Variants in CDH12 observed in about 807,000 individuals in gnomAD.
CDH12 encodes cadherin-12.
CDH12 carries 41 observed loss-of-function variants against 74.1 expected under a neutral mutation model. The ratio of observed to expected loss-of-function variants is 0.55; its 90% CI spans 0.43 to 0.72. CDH12 has a LOEUF of 0.72. CDH12 is among the 30% of genes least tolerant of loss of function. The pLI, the probability that CDH12 is intolerant of heterozygous loss-of-function variation, is 0.00. For synonymous variants in CDH12, 399 were observed against 355.0 expected (o/e 1.12, Z -1.39); for missense variants, 945 against 977.2 (o/e 0.97, Z 0.44).
At chr5:22,097,751 C>T (rs1222418811) in intron 4 of CDH12, among the ~76,000 whole-genome samples, 1 of 152,070 alleles carries the variant, frequency 6.6e-6, no homozygotes, top group Non-Finnish European at 1.5e-5. Context: ...CACCTCTACT[C>T]CCTCCTTAGC....
chr5:22,116,259 T>C (rs1745092153), intron 4 of CDH12, among the ~76,000 whole-genome samples: 1 of 152,116 alleles, frequency 6.6e-6, no homozygotes, highest in South Asian at 2.1e-4. Flanking sequence ...CAGGCCATTG[T>C]TGGCTTGCAG....
intron 1 of CDH12, among the ~76,000 whole-genome samples, chr5:22,594,183 A>C (rs1037318273): frequency 3.9e-5 from 6 of 152,162 alleles, no homozygotes; most frequent in Admixed American, 1.3e-4. Flanking sequence ...GTAGAGCCCT[A>C]AATTTTGAGC....
chr5:22,543,234 C>A (rs549343410), intron 1 of CDH12, among the ~76,000 whole-genome samples: 21 of 152,062 alleles, frequency 1.4e-4, no homozygotes, highest in African/African-American at 5.1e-4. Context: ...ACTTGTAAAT[C>A]AAGAACAACT....
At chr5:22,743,470 G>A (rs1430327406) in intron 1 of CDH12, among the ~76,000 whole-genome samples, 2 of 151,788 alleles carry the variant, frequency 1.3e-5, no homozygotes, top group Admixed American at 1.3e-4. Flanking sequence ...ATGGTCAAAT[G>A]TGTTTATCTT....
chr5:22,742,494 A>C (rs1745077976), intron 1 of CDH12, among the ~76,000 whole-genome samples: 1 of 152,072 alleles, frequency 6.6e-6, no homozygotes. Context: ...ACCTTCAAAA[A>C]ATAGTAGACG....
chr5:22,646,240 C>T (rs1397019413), intron 1 of CDH12, among the ~76,000 whole-genome samples: 1 of 151,768 alleles, frequency 6.6e-6, no homozygotes, highest in Non-Finnish European at 1.5e-5. Flanking sequence ...AGGACCCCTC[C>T]TTCTTGACTT....
At chr5:22,527,191 C>T (rs1737323742) in intron 1 of CDH12, among the ~76,000 whole-genome samples, 1 of 152,088 alleles carries the variant, frequency 6.6e-6, no homozygotes, top group Non-Finnish European at 1.5e-5. Context: ...AAAAGAAAGA[C>T]TAGTAGTATA....
intron 3 of CDH12, among the ~76,000 whole-genome samples, chr5:22,261,788 C>CAAA (rs34114097): frequency 0.014 from 2,039 of 144,464 alleles, 50 homozygotes; most frequent in African/African-American, 0.049. Context: ...GAAAGAAAGC[C>CAAA]AAAAAAAAAA....
At chr5:21,900,061 A>G (rs955231963) in intron 6 of CDH12, among the ~76,000 whole-genome samples, 30 of 152,192 alleles carry the variant, frequency 2.0e-4, no homozygotes, top group Admixed American at 1.7e-3. Flanking sequence ...AGGTACTTAC[A>G]GACCATTTTA....
intron 1 of CDH12, among the ~76,000 whole-genome samples, chr5:22,576,747 T>C (rs1739808001): frequency 6.6e-6 from 1 of 151,970 alleles, no homozygotes; most frequent in Non-Finnish European, 1.5e-5. Context: ...AGAAAGTAGT[T>C]CAGTGGGGAG....
intron 10 of CDH12, among the ~76,000 whole-genome samples, chr5:21,797,835 G>C (rs933124251): frequency 2.6e-5 from 4 of 151,848 alleles, no homozygotes; most frequent in African/African-American, 9.7e-5. Flanking sequence ...GATTTTTCTA[G>C]TTCTTAAGTA....
intron 1 of CDH12, among the ~76,000 whole-genome samples, chr5:22,750,182 G>T (rs190025489): frequency 2.2e-4 from 34 of 152,262 alleles, no homozygotes; most frequent in Non-Finnish European, 4.3e-4. Flanking sequence ...TCCCTGGAGA[G>T]ATTAGGAAAG....
chr5:22,482,133 C>T (rs1746407252), intron 2 of CDH12, among the ~76,000 whole-genome samples: 1 of 151,944 alleles, frequency 6.6e-6, no homozygotes, highest in Non-Finnish European at 1.5e-5. Flanking sequence ...AGGAAAGAAC[C>T]CATGAACGTT....
intron 1 of CDH12, among the ~76,000 whole-genome samples, chr5:22,551,367 T>C (rs1399834262): frequency 6.6e-6 from 1 of 152,164 alleles, no homozygotes; most frequent in East Asian, 1.9e-4. Context: ...ACCCAGTCTT[T>C]AGTATTCTGT....
chr5:22,725,191 T>C (rs1744099083), intron 1 of CDH12, among the ~76,000 whole-genome samples: 1 of 151,930 alleles, frequency 6.6e-6, no homozygotes, highest in Admixed American at 6.6e-5. Context: ...TTTTCTTGTC[T>C]ACCTGTTCTC....
chr5:22,147,525 G>C (rs1277103957), intron 4 of CDH12, among the ~76,000 whole-genome samples: 1 of 151,270 alleles, frequency 6.6e-6, no homozygotes, highest in African/African-American at 2.4e-5. Flanking sequence ...TTTTTGAAAA[G>C]TATCTGTATT....
chr5:22,798,991 C>T (rs988481642), intron 1 of CDH12, among the ~76,000 whole-genome samples: 1 of 152,030 alleles, frequency 6.6e-6, no homozygotes, highest in Non-Finnish European at 1.5e-5. Context: ...GCAGTGCATA[C>T]CTGTGGTTTC....
chr5:22,167,444 C>G (rs771883734), intron 4 of CDH12, among the ~76,000 whole-genome samples: 1 of 152,122 alleles, frequency 6.6e-6, no homozygotes, highest in African/African-American at 2.4e-5. Context: ...TGGTGTCCTT[C>G]GCTTGTTCCT....
At chr5:21,949,822 A>C (rs1342301370) in intron 6 of CDH12, among the ~76,000 whole-genome samples, 1 of 152,224 alleles carries the variant, frequency 6.6e-6, no homozygotes, top group African/African-American at 2.4e-5. Flanking sequence ...AAAAAGTTAA[A>C]AATAAGTTAA....
Sources: gnomAD v4.1 joint callset for allele counts (sites outside exome capture counted in the v4.1 genomes callset) on GRCh38, gnomAD v4.1.1 for gene constraint, MANE v1.5 for transcripts, NCBI Gene and HGNC (gene_info 2026-07-23, HGNC 2026-07-21) for gene names.